The following UBA6 variants were observed in gnomAD, a reference collection of about 807,000 sequenced individuals.
UBA6 encodes the protein ubiquitin-like modifier-activating enzyme 6.
In UBA6, 87 loss-of-function variants were observed where a neutral mutation model predicts 148.3. The ratio of observed to expected loss-of-function variants is 0.59; its 90% confidence interval spans 0.49 to 0.70. The LOEUF (loss-of-function observed/expected upper bound fraction) is 0.70, where lower values mean the gene tolerates loss of function less well. Ranked by LOEUF, UBA6 falls within the 30% of genes least tolerant of loss-of-function variation. The pLI is 0.00. For missense variants in UBA6, 1,186 were observed against 1,241.2 expected (o/e 0.96, Z 0.67); for synonymous variants, 376 against 401.0 (o/e 0.94, Z 0.75).
intron 13 of UBA6, among the ~76,000 whole-genome samples, chr4:67,650,258 A>G (rs1277856605): frequency 6.6e-6 from 1 of 152,178 alleles, no homozygotes; most frequent in Admixed American, 6.5e-5. Context: ...TAATCCTTAT[A>G]AATATAATTT....
intron 2 of UBA6, among the ~76,000 whole-genome samples, chr4:67,695,407 A>G (rs1277257244): frequency 6.6e-6 from 1 of 152,216 alleles, no homozygotes; most frequent in Non-Finnish European, 1.5e-5. Flanking sequence ...TTAAGCCTCT[A>G]TTAAAATATT....
intron 16 of UBA6, 101 bp from the exon 17 acceptor site, chr4:67,644,879 G>GAA: frequency 1.2e-5 from 6 of 489,000 alleles, no homozygotes; most frequent in South Asian, 7.2e-5. Context: ...CTGTTTCAAC[G>GAA]AAAAAAAAAA....
At position 67,656,334 on chromosome 4, in the gene UBA6, G is replaced by T. The variant is rs898188179; in HGVS notation, c.1104+5855C>A. ...GCACATCAAAAAGCTTATCCAACATGATCAACTCGGCTTCAGCCCTGGGAT... is the reference window on the plus strand; with the variant it reads ...GCACATCAAAAAGCTTATCCAACATTATCAACTCGGCTTCAGCCCTGGGAT... On this transcript the variant is annotated intron_variant, in intron 13 of 32. Coordinates refer to ENST00000322244, the MANE Select transcript of UBA6 (RefSeq NM_018227.6). Among the ~76,000 whole-genome samples the T allele has an allele frequency of 5.3e-5, 8 of 152,182 alleles. No homozygotes were observed. The South Asian group carries it at 1.7e-3, about 31-fold the overall frequency.
intron 13 of UBA6, among the ~76,000 whole-genome samples, chr4:67,652,923 C>A (rs925910979): frequency 8.5e-5 from 13 of 152,212 alleles, no homozygotes; most frequent in Non-Finnish European, 1.8e-4. Context: ...TTGCTCACTG[C>A]TAGCGCAGCA....
chr4:67,638,854 A>ATATC (rs753017215), intron 19 of UBA6, 89 bp downstream of exon 19: 7 of 958,884 alleles, frequency 7.3e-6, no homozygotes, highest in African/African-American at 1.6e-5. Flanking sequence ...GAATAATCAG[A>ATATC]TAATTCCGTA....
At chr4:67,698,481 A>G (rs1193363704) in intron 1 of UBA6, among the ~76,000 whole-genome samples, 1 of 152,216 alleles carries the variant, frequency 6.6e-6, no homozygotes, top group East Asian at 1.9e-4. Context: ...GTGGGCAAGC[A>G]CTATTGCTAT....
intron 2 of UBA6, among the ~76,000 whole-genome samples, chr4:67,687,635 G>A (rs1000970349): frequency 2.0e-5 from 3 of 152,194 alleles, no homozygotes; most frequent in African/African-American, 4.8e-5. Flanking sequence ...AACATAAAGA[G>A]ATACCTAAAA....
At chr4:67,663,261 A>G in intron 11 of UBA6, 46 bp from the exon 12 acceptor site, 2 of 1,342,072 alleles carry the variant, frequency 1.5e-6, no homozygotes, top group Non-Finnish European at 1.1e-6. Flanking sequence ...GAGTGGTTGT[A>G]TGTCCCAGGC....
At chr4:67,675,657 G>A (rs1730261695) in intron 6 of UBA6, among the ~76,000 whole-genome samples, 2 of 152,092 alleles carry the variant, frequency 1.3e-5, no homozygotes, top group South Asian at 4.1e-4. Flanking sequence ...CTTGAACCCA[G>A]GAGGCAGAGG....
chr4:67,645,391 G>A (rs1258822368), intron 16 of UBA6, among the ~76,000 whole-genome samples: 2 of 152,108 alleles, frequency 1.3e-5, no homozygotes, highest in African/African-American at 4.8e-5. Context: ...ATGAGGTCAG[G>A]ATTTCGAGAC....
intron 17 of UBA6, among the ~76,000 whole-genome samples, chr4:67,642,407 G>C (rs983339156): frequency 1.3e-5 from 2 of 151,986 alleles, no homozygotes; most frequent in South Asian, 2.1e-4. Flanking sequence ...CTTTCCATGA[G>C]ATCAGTTACA....
At chr4:67,637,473 G>C (rs1302535438) in intron 19 of UBA6, among the ~76,000 whole-genome samples, 1 of 152,240 alleles carries the variant, frequency 6.6e-6, no homozygotes, top group African/African-American at 2.4e-5. Context: ...TGATGACGAT[G>C]GCGGTTTTGT....
intron 25 of UBA6, 87 bp from the exon 26 acceptor site, chr4:67,630,622 T>A: frequency 3.7e-6 from 3 of 818,602 alleles, no homozygotes; most frequent in Non-Finnish European, 5.4e-6. Flanking sequence ...CCTTTAAATG[T>A]AGTTTGAAGA....
intron 5 of UBA6, 48 bp downstream of exon 5, chr4:67,678,391 G>A (rs1577833561): frequency 8.5e-7 from 1 of 1,180,802 alleles, no homozygotes; most frequent in African/African-American, 1.6e-5. Flanking sequence ...AATATTTTAA[G>A]TAAATAAATT....
In UBA6 at chr4:67,614,037, C is replaced by T. The variant is rs1177595900; in HGVS notation, c.*4960G>A. The stretch of plus-strand genomic sequence containing the variant: ...TAAGACCCAGGCATCCTTTTAGGTC[C>T]AATAAGAAACACTTTACAACCTGCT... On this transcript the variant is annotated 3_prime_UTR_variant, in exon 33 of 33. Transcript: ENST00000322244. 2 of 151,942 alleles carry T rather than the reference C, an allele frequency of 1.3e-5. No homozygotes were observed. Among genetic ancestry groups the T allele is most frequent in the African/African-American group, 4.8e-5 (2 of 41,356 alleles). The allele number at this position is 151,942 out of a possible 1,614,324, so 9.4% of individuals were successfully genotyped here.
chr4:67,623,154 T>C lies in UBA6; in HGVS notation c.2909A>G (p.Asp970Gly). 2 of 1,612,672 alleles carry C rather than the reference T, an allele frequency of 1.2e-6. No homozygotes were observed. The highest frequency in any genetic ancestry group is 8.5e-7 in the Non-Finnish European group (1 of 1,179,084). ...VHGKEDFTLL[D>G]FINAVKEKYG... ...TCTCACTTTGACTGCATTTATGAAATCCAAGAGGGTGAAATCTTCTTTTCC... is the reference window on the plus strand; with the variant it reads ...TCTCACTTTGACTGCATTTATGAAACCCAAGAGGGTGAAATCTTCTTTTCC... The change falls in exon 31 of 33, where the codon GAT (aspartate) becomes GGT (glycine). Residue 970 changes from aspartate to glycine, a missense_variant. Physicochemically the swap from Asp to Gly is moderately conservative, Grantham distance 94. Transcript: ENST00000322244.
At chr4:67,657,094 C>T (rs576829213) in intron 13 of UBA6, among the ~76,000 whole-genome samples, 19 of 152,132 alleles carry the variant, frequency 1.2e-4, no homozygotes, top group African/African-American at 3.9e-4. Flanking sequence ...ATCATTAAAA[C>T]GCCCATACTG....
At chr4:67,693,851 AAAAT>A (rs1300717903) in intron 2 of UBA6, among the ~76,000 whole-genome samples, 1 of 152,126 alleles carries the variant, frequency 6.6e-6, no homozygotes, top group Non-Finnish European at 1.5e-5. Context: ...CCTTGTCCCT[AAAAT>A]AAATCATTGT....
intron 8 of UBA6, 108 bp from the exon 9 acceptor site, chr4:67,668,782 C>A: frequency 1.9e-6 from 2 of 1,050,906 alleles, no homozygotes; most frequent in Non-Finnish European, 1.4e-6. Flanking sequence ...TTCTCAAAAC[C>A]GAAATTCTAA....
Sources: allele counts gnomAD v4.1 joint callset (sites outside exome capture counted in the v4.1 genomes callset), GRCh38; gene constraint gnomAD v4.1.1; transcripts MANE v1.5; gene names NCBI Gene and HGNC (gene_info 2026-07-23, HGNC 2026-07-21).